Variants in SMYD1 observed in about 807,000 individuals in gnomAD.
SMYD1 encodes SET and MYND domain containing 1, also known as histone-lysine N-methyltransferase SMYD1.
A neutral mutation model predicts 54.0 loss-of-function variants in SMYD1; 49 were observed. The observed-to-expected ratio is 0.91, with a 90% CI of 0.72 to 1.15. The LOEUF is 1.15. Ranked by LOEUF, SMYD1 falls within the 50% of genes most tolerant of loss-of-function variation. The pLI is 0.00. For synonymous variants in SMYD1, 269 were observed against 234.2 expected (o/e 1.15, Z -1.36); for missense variants, 653 against 639.6 (o/e 1.02, Z -0.23).
At chr2:88,085,570 TC>T (rs1186167532) in intron 2 of SMYD1, among the ~76,000 whole-genome samples, 1 of 152,222 alleles carries the variant, frequency 6.6e-6, no homozygotes, top group Non-Finnish European at 1.5e-5. Context: ...AGTCAACCTC[TC>T]CATGCCCCTT....
At chr2:88,093,585 C>T in intron 5 of SMYD1, 30 bp downstream of exon 5, 1 of 1,613,938 alleles carries the variant, frequency 6.2e-7, no homozygotes, top group Non-Finnish European at 8.5e-7. Flanking sequence ...CATCCCTGCT[C>T]CTCTGACCCA....
chr2:88,077,390 C>T (rs904696043), intron 1 of SMYD1, among the ~76,000 whole-genome samples: 2 of 152,300 alleles, frequency 1.3e-5, no homozygotes, highest in East Asian at 1.9e-4. Flanking sequence ...CTGGGAGCAG[C>T]GTCCGGCGTC....
intron 1 of SMYD1, 38 bp downstream of exon 1, chr2:88,068,039 T>A: frequency 1.3e-6 from 2 of 1,594,144 alleles, no homozygotes; most frequent in South Asian, 2.2e-5. Flanking sequence ...TCCTGTTAGT[T>A]TGGCTGGGGC....
intron 7 of SMYD1, among the ~76,000 whole-genome samples, chr2:88,105,178 G>A (rs752681989): frequency 3.3e-5 from 5 of 152,168 alleles, no homozygotes; most frequent in Admixed American, 6.5e-5. Flanking sequence ...CACAGGAATG[G>A]TGGTGAAGCT....
At position 88,084,481 on chromosome 2, in the gene SMYD1, T is replaced by C; in HGVS notation, c.303T>C (p.Asn101=). Residue 101 remains asparagine (N), a synonymous_variant, in exon 2 of 10, where the codon AAT becomes AAC. Coordinates refer to ENST00000419482, the MANE Select transcript of SMYD1 (RefSeq NM_198274.4). ...SAIKRYGKVP[N]ENIRLAARIM... is the part of the protein sequence containing the mutation. ...TCAAGAGATATGGGAAGGTGCCCAATGAGAACATCAGGTGAGAGCTGGGCA... is the reference window on the plus strand; with the variant it reads ...TCAAGAGATATGGGAAGGTGCCCAACGAGAACATCAGGTGAGAGCTGGGCA... The C allele has an allele frequency of 6.3e-7, 1 of 1,585,050 alleles. No individual in the cohort carries two copies. The highest frequency in any genetic ancestry group is 1.1e-5 in the South Asian group (1 of 89,744).
chr2:88,085,082 T>C (rs1674292292), intron 2 of SMYD1, among the ~76,000 whole-genome samples: 1 of 151,966 alleles, frequency 6.6e-6, no homozygotes, highest in African/African-American at 2.4e-5. Flanking sequence ...GATCCACCAA[T>C]GTTTAAAAAT....
intron 1 of SMYD1, among the ~76,000 whole-genome samples, chr2:88,079,242 A>T (rs1388243218): frequency 6.6e-6 from 1 of 152,208 alleles, no homozygotes; most frequent in Non-Finnish European, 1.5e-5. Flanking sequence ...TCCTGGTCAC[A>T]GTGGTTATTA....
intron 9 of SMYD1, among the ~76,000 whole-genome samples, chr2:88,109,835 A>G (rs1011860169): frequency 4.6e-5 from 7 of 152,150 alleles, no homozygotes; most frequent in Admixed American, 3.3e-4. Flanking sequence ...GCCTTTGTCA[A>G]TTTTACTCAC....
At chr2:88,077,621 A>C (rs1396295303) in intron 1 of SMYD1, among the ~76,000 whole-genome samples, 1 of 152,162 alleles carries the variant, frequency 6.6e-6, no homozygotes, top group Non-Finnish European at 1.5e-5. Flanking sequence ...TGCCTGGGAC[A>C]AATGCTCTTT....
rs555771243 is a variant in SMYD1 at position 88,072,344 on chromosome 2, T to C, written c.137+4343T>C. Reference sequence around the variant, plus strand: ...TTTTGTATTTTTAGTAGAGACAGGGTTTCACCCTGTTGCCCAGGCTGGTCT... The same window carrying C: ...TTTTGTATTTTTAGTAGAGACAGGGCTTCACCCTGTTGCCCAGGCTGGTCT... On this transcript the variant is annotated intron_variant, in intron 1 of 9. Coordinates refer to ENST00000419482, the MANE Select transcript of SMYD1 (RefSeq NM_198274.4). Among the ~76,000 whole-genome samples, 4 of 152,196 alleles carry C rather than the reference T, an allele frequency of 2.6e-5. No homozygotes were observed. In the South Asian group the frequency reaches 8.3e-4, roughly 32 times the overall value.
chr2:88,100,123 C>A lies in SMYD1; in HGVS notation c.889-2935C>A, dbSNP rs76246937. On this transcript the variant is annotated intron_variant, in intron 6 of 9. Transcript: ENST00000419482. ...TCCTGGTGACAGCGGCCTTTCACAGCGGGGGTTCCTTAAATCCTGTCTGCA... is the reference window on the plus strand; with the variant it reads ...TCCTGGTGACAGCGGCCTTTCACAGAGGGGGTTCCTTAAATCCTGTCTGCA... Among the ~76,000 whole-genome samples, 482 of 152,152 alleles carry A rather than the reference C, an allele frequency of 3.2e-3. 2 individuals carry two copies. Among genetic ancestry groups the A allele is most frequent in the Non-Finnish European group, 6.2e-3 (423 of 68,022 alleles).
At position 88,108,389 on chromosome 2, in the gene SMYD1, C is replaced by A. The variant is rs1429810042; in HGVS notation, c.1164C>A (p.Asn388Lys). 1 of 1,597,972 alleles carries A rather than the reference C, an allele frequency of 6.3e-7. No homozygotes were observed. Among genetic ancestry groups the A allele is most frequent in the Non-Finnish European group, 8.5e-7 (1 of 1,173,676 alleles). ...CCCACAGGAAGCTCTACCACCCCAA[C>A]AATGCCCAACTGGGCATGGCCGTGA... ...VDGYMKLYHPNNAQLGMAVMR... is the reference protein window; with the variant it reads ...VDGYMKLYHPKNAQLGMAVMR... The change falls in exon 9 of 10, where the codon AAC becomes AAA. Residue 388 changes from asparagine (N) to lysine (K), a missense_variant. Asn to Lys is a moderately conservative substitution (Grantham distance 94). Coordinates refer to ENST00000419482, the MANE Select transcript of SMYD1 (RefSeq NM_198274.4).
At chr2:88,087,817 A>G in intron 2 of SMYD1, 45 bp from the exon 3 acceptor site, 2 of 1,468,518 alleles carry the variant, frequency 1.4e-6, no homozygotes, top group Non-Finnish European at 1.8e-6. Flanking sequence ...GTGTTGAAGG[A>G]ATGAATGCAG....
At chr2:88,100,645 G>C (rs899220415) in intron 6 of SMYD1, among the ~76,000 whole-genome samples, 2 of 152,074 alleles carry the variant, frequency 1.3e-5, no homozygotes, top group African/African-American at 4.8e-5. Context: ...AATTCCAATA[G>C]GCTTAGGAAA....
At chr2:88,101,913 C>T (rs1179068654) in intron 6 of SMYD1, among the ~76,000 whole-genome samples, 1 of 152,182 alleles carries the variant, frequency 6.6e-6, no homozygotes, top group Non-Finnish European at 1.5e-5. Flanking sequence ...GCTGACATAC[C>T]CATTGTTGAT....
intron 8 of SMYD1, among the ~76,000 whole-genome samples, chr2:88,108,079 T>A (rs1485200421): frequency 6.6e-6 from 1 of 152,238 alleles, no homozygotes; most frequent in East Asian, 1.9e-4. Flanking sequence ...TCGGCCATCT[T>A]GGCTAGAGTC....
At chr2:88,084,529 C>T (rs1674277331) in intron 2 of SMYD1, 37 bp downstream of exon 2, 2 of 1,533,466 alleles carry the variant, frequency 1.3e-6, no homozygotes, top group South Asian at 1.2e-5. Context: ...TTCAGATTTC[C>T]AAATGTCAGG....
chr2:88,101,323 T>G (rs1052870571), intron 6 of SMYD1, among the ~76,000 whole-genome samples: 5 of 152,260 alleles, frequency 3.3e-5, no homozygotes, highest in African/African-American at 1.2e-4. Flanking sequence ...GAGAACTGGT[T>G]AAATAAGTTA....
At chr2:88,072,966 T>C (rs1213913195) in intron 1 of SMYD1, among the ~76,000 whole-genome samples, 1 of 152,196 alleles carries the variant, frequency 6.6e-6, no homozygotes, top group Non-Finnish European at 1.5e-5. Flanking sequence ...CATGGGCATA[T>C]TGTGTGATGC....
Sources: gnomAD v4.1 joint callset for allele counts (sites outside exome capture counted in the v4.1 genomes callset) on GRCh38, gnomAD v4.1.1 for gene constraint, MANE v1.5 for transcripts, NCBI Gene and HGNC (gene_info 2026-07-23, HGNC 2026-07-21) for gene names.